IRF2: variants seen among roughly 807,000 people sequenced by gnomAD.
The protein encoded by IRF2 is interferon regulatory factor 2.
Under a neutral mutation model 40.6 loss-of-function variants are expected in IRF2, and 15 were observed. That is an observed-to-expected ratio of 0.37 (90% CI 0.25 to 0.57). The LOEUF is 0.57. Among genes scored for constraint, IRF2 ranks in the 20% least tolerant of loss-of-function variants. IRF2 has a pLI of 0.77. For synonymous variants in IRF2, 151 were observed against 165.5 expected, an observed-to-expected ratio of 0.91 and a Z score of 0.67; for missense variants, 317 against 455.7, an observed-to-expected ratio of 0.70 and a Z score of 2.77.
At chr4:184,409,474 A>G (rs1736991203) in intron 5 of IRF2, among the ~76,000 whole-genome samples, 1 of 152,228 alleles carries the variant, frequency 6.6e-6, no homozygotes. Flanking sequence ...TGCCTGGTTT[A>G]CCAGATGTCC....
Position 184,419,573 on chromosome 4 carries a change from A to T in IRF2, c.88-5T>A. 1.1e-4 allele frequency: 80 copies of T among 742,384 alleles called. No homozygotes were observed. The highest frequency in any genetic ancestry group is 4.8e-4 in the Middle Eastern group (1 of 2,090). 46.0% of individuals were successfully genotyped at this position (742,384 alleles called of 1,614,324 possible). A position where few individuals can be genotyped will look rare whatever the true frequency, so the allele number is the denominator to read the frequency against. ...GATCTGAAAAATCTTCTTTTCCTGA[A>T]AAAAAAAAAAAAAAAAAAGGTAAAG... On this transcript the variant is annotated splice_polypyrimidine_tract_variant and splice_region_variant and intron_variant, in intron 2 of 8. Coordinates refer to ENST00000393593, the MANE Select transcript of IRF2 (RefSeq NM_002199.4).
intron 8 of IRF2, 143 bp from the exon 9 acceptor site, chr4:184,389,209 C>T: frequency 1.3e-6 from 1 of 785,208 alleles, no homozygotes; most frequent in Non-Finnish European, 2.1e-6. Context: ...CACTTAACCT[C>T]AGGAGTTTGA....
chr4:184,459,940 A>C (rs1362349069), intron 1 of IRF2, among the ~76,000 whole-genome samples: 9 of 152,252 alleles, frequency 5.9e-5, no homozygotes, highest in African/African-American at 2.2e-4. Context: ...TATGGAAAAC[A>C]ATTTGGTGGT....
At chr4:184,452,502 G>A (rs1281462056) in intron 1 of IRF2, among the ~76,000 whole-genome samples, 2 of 152,162 alleles carry the variant, frequency 1.3e-5, no homozygotes, top group Non-Finnish European at 2.9e-5. Flanking sequence ...GGACCGTGGA[G>A]CTCTGCGGCA....
At chr4:184,431,500 G>A (rs1211259072) in intron 1 of IRF2, among the ~76,000 whole-genome samples, 2 of 152,216 alleles carry the variant, frequency 1.3e-5, no homozygotes. Context: ...GGCTCACCCT[G>A]CAAGAGCTCT....
intron 5 of IRF2, among the ~76,000 whole-genome samples, chr4:184,411,426 C>T (rs566036187): frequency 1.3e-5 from 2 of 152,144 alleles, no homozygotes; most frequent in African/African-American, 4.8e-5. Context: ...ATATATTCCA[C>T]CGATGGAGGC....
chr4:184,416,242 C>T lies in IRF2; in HGVS notation c.411+1925G>A, dbSNP rs139263273. On this transcript the variant is annotated intron_variant, in intron 5 of 8. Coordinates refer to ENST00000393593, the MANE Select transcript of IRF2 (RefSeq NM_002199.4). ...CTGAGGCGGGAGGATCACCTGAGCC[C>T]GGGAGGTTGGGGCTGCAGTGAGCTA... Among the ~76,000 whole-genome samples, 1,139 of 146,660 alleles carry T rather than the reference C, an allele frequency of 7.8e-3. 11 individuals carry two copies. The highest frequency in any genetic ancestry group is 0.027 in the African/African-American group (1,053 of 39,658).
At chr4:184,390,897 TAG>T (rs1380172738) in intron 7 of IRF2, 148 bp from the exon 8 acceptor site, 2 of 806,912 alleles carry the variant, frequency 2.5e-6, no homozygotes, top group Non-Finnish European at 4.1e-6. Context: ...TGGGAGAAGC[TAG>T]AGTGAATTTC....
intron 1 of IRF2, among the ~76,000 whole-genome samples, chr4:184,429,403 C>T (rs2149904189): frequency 6.6e-6 from 1 of 152,284 alleles, no homozygotes; most frequent in Non-Finnish European, 1.5e-5. Flanking sequence ...TTTGAGGCTT[C>T]CGTTGCTCAG....
rs146150713 is a variant in IRF2, at chr4:184,415,010, G to C, written c.411+3157C>G. Among the ~76,000 whole-genome samples, 3 of 152,310 alleles carry C rather than the reference G, an allele frequency of 2.0e-5. No homozygotes were observed. In the East Asian group the frequency reaches 5.8e-4, roughly 29 times the overall value. ...TTAAAAAGTAATATATTAATAGCTA[G>C]TAATTGTCCTCTGACTTTCCAATTC... On this transcript the variant is annotated intron_variant, in intron 5 of 8. Transcript: ENST00000393593.
At position 184,389,261 on chromosome 4, in the gene IRF2, C is replaced by T. The variant is rs1481151813; in HGVS notation, c.742-195G>A. ...GTAGCGAGTCCTCATCTCTACAAAA[C>T]GTAAGAATTAGCTAGGCATGGTGGT... On this transcript the variant is annotated intron_variant, in intron 8 of 8. Transcript: ENST00000393593. Among the ~76,000 whole-genome samples the T allele has an allele frequency of 4.6e-5, 7 of 151,892 alleles. No homozygotes were observed. The East Asian group carries it at 5.8e-4, about 13-fold the overall frequency.
chr4:184,410,915 A>G (rs1561093360), intron 5 of IRF2, among the ~76,000 whole-genome samples: 3 of 152,216 alleles, frequency 2.0e-5, no homozygotes, highest in African/African-American at 7.2e-5. Flanking sequence ...TAGCCTGCAG[A>G]GACACCGGAA....
At chr4:184,446,521 G>A (rs1738515131) in intron 1 of IRF2, among the ~76,000 whole-genome samples, 1 of 152,196 alleles carries the variant, frequency 6.6e-6, no homozygotes, top group Non-Finnish European at 1.5e-5. Context: ...ACAGGCAACT[G>A]AGTAAATTAT....
In IRF2 at chr4:184,456,427, C is replaced by G. The variant is rs113592045; in HGVS notation, c.-7+17952G>C. ...AAGAGAGGGGTGGCGCCCGCGTGTC[C>G]GAGCCATTGGTGATACGAAGAAGCT... On this transcript the variant is annotated intron_variant, in intron 1 of 8. Coordinates refer to ENST00000393593, the MANE Select transcript of IRF2 (RefSeq NM_002199.4). Among the ~76,000 whole-genome samples, 350 of 152,282 alleles carry G rather than the reference C, an allele frequency of 2.3e-3. 1 individual carries two copies. Among genetic ancestry groups the G allele is most frequent in the African/African-American group, 8.1e-3 (337 of 41,562 alleles).
At chr4:184,391,537 C>T (rs915547173) in intron 7 of IRF2, among the ~76,000 whole-genome samples, 4 of 152,196 alleles carry the variant, frequency 2.6e-5, no homozygotes, top group Admixed American at 2.0e-4. Flanking sequence ...AGACTGAGGC[C>T]CTTAGTCCAA....
chr4:184,396,136 T>G (rs1055662879), intron 7 of IRF2, among the ~76,000 whole-genome samples: 8 of 152,224 alleles, frequency 5.3e-5, no homozygotes, highest in African/African-American at 1.9e-4. Flanking sequence ...TATGTAAATA[T>G]AAGCAAAGTG....
At chr4:184,414,354 G>A (rs1434682163) in intron 5 of IRF2, among the ~76,000 whole-genome samples, 1 of 152,012 alleles carries the variant, frequency 6.6e-6, no homozygotes, top group Admixed American at 6.6e-5. Context: ...TTTCTTTTTT[G>A]AGGTGGGGAA....
intron 1 of IRF2, among the ~76,000 whole-genome samples, chr4:184,456,360 A>G (rs1004185515): frequency 2.0e-5 from 3 of 152,236 alleles, no homozygotes; most frequent in African/African-American, 7.2e-5. Context: ...GTGGAAGGGA[A>G]GAAAGAACAT....
chr4:184,397,163 G>C (rs1736497749), intron 7 of IRF2, among the ~76,000 whole-genome samples: 1 of 152,162 alleles, frequency 6.6e-6, no homozygotes, highest in Admixed American at 6.5e-5. Context: ...CTGTGGCCAA[G>C]GTCTATTCTC....
Sources: gnomAD v4.1 joint callset for allele counts (sites outside exome capture counted in the v4.1 genomes callset) on GRCh38, gnomAD v4.1.1 for gene constraint, MANE v1.5 for transcripts, NCBI Gene and HGNC (gene_info 2026-07-23, HGNC 2026-07-21) for gene names.